Variants in UBAP2 observed in about 807,000 individuals in gnomAD.
The protein encoded by UBAP2 is ubiquitin associated protein 2, also known as ubiquitin-associated protein 2.
A neutral mutation model predicts 139.6 loss-of-function variants in UBAP2; 75 were observed. The ratio of observed to expected loss-of-function variants is 0.54; its 90% CI spans 0.45 to 0.65. The LOEUF is 0.65. Ranked by LOEUF, UBAP2 falls within the 30% of genes least tolerant of loss-of-function variation. The pLI, the probability that UBAP2 is intolerant of heterozygous loss-of-function variation, is 0.00. For missense variants in UBAP2, 1,368 were observed against 1,369.6 expected (o/e 1.00, Z 0.02); for synonymous variants, 526 against 526.2 (o/e 1.00, Z 0.01).
Position 33,922,369 on chromosome 9 carries a change from G to C in UBAP2, c.*135C>G. On this transcript the variant is annotated 3_prime_UTR_variant, in exon 29 of 29. Coordinates refer to ENST00000379238, the MANE Select transcript of UBAP2 (RefSeq NM_001370062.2). ...ATTACATACAGTAGCCAGTCTGGGA[G>C]GCAGACTCCCCACAGAGGCATGGCT... 1.2e-6 allele frequency: 1 copy of C among 824,544 alleles called. No homozygotes were observed. The highest frequency in any genetic ancestry group is 2.0e-6 in the Non-Finnish European group (1 of 493,434). 51.1% of individuals were successfully genotyped at this position (824,544 alleles called of 1,614,324 possible).
intron 13 of UBAP2, among the ~76,000 whole-genome samples, chr9:33,946,714 T>A (rs1048238139): frequency 3.3e-5 from 5 of 151,320 alleles, no homozygotes; most frequent in African/African-American, 4.9e-5. Flanking sequence ...GAATTTAATT[T>A]AAAAAAAAAC....
Position 33,944,589 on chromosome 9 carries a change from G to A in UBAP2, c.1321C>T (p.Arg441Ter), listed in dbSNP as rs369362609. 1.3e-5 allele frequency: 21 copies of A among 1,613,998 alleles called. No individual in the cohort carries two copies. The highest frequency in any genetic ancestry group is 1.7e-5 in the Non-Finnish European group (20 of 1,180,022). The change falls in exon 14 of 29, where the codon CGA (arginine) becomes TGA (stop). Residue 441 changes from arginine to a stop codon, truncating the protein, a stop_gained. Coordinates refer to ENST00000379238, the MANE Select transcript of UBAP2 (RefSeq NM_001370062.2). LOFTEE classifies it high-confidence loss of function. ...ACTGCCTGGCTCTGGTGCTGTTGTCGCTGGCTCAACTGGCTAAGAACTGGG... is the reference window on the plus strand; with the variant it reads ...ACTGCCTGGCTCTGGTGCTGTTGTCACTGGCTCAACTGGCTAAGAACTGGG... The part of the protein sequence containing the change: ...PSPVLSQLSQ[R>*]QQHQSQAVTV...
At chr9:33,939,573 C>T (rs1824907607) in intron 16 of UBAP2, among the ~76,000 whole-genome samples, 1 of 149,124 alleles carries the variant, frequency 6.7e-6, no homozygotes, top group Admixed American at 6.7e-5. Flanking sequence ...GCCTGGGTAA[C>T]ATGATGAAAC....
chr9:33,967,923 A>C (rs1274976063), intron 8 of UBAP2: 1 of 174,360 alleles, frequency 5.7e-6, no homozygotes, highest in Non-Finnish European at 1.2e-5. Flanking sequence ...TTTTACTCCA[A>C]GCTACACTTC....
chr9:33,954,571 A>G (rs1826394258), intron 11 of UBAP2, among the ~76,000 whole-genome samples: 1 of 152,140 alleles, frequency 6.6e-6, no homozygotes, highest in African/African-American at 2.4e-5. Flanking sequence ...CCTAACTGAC[A>G]TTCTCACCAT....
intron 6 of UBAP2, among the ~76,000 whole-genome samples, chr9:33,981,846 AGGG>A (rs1188940206): frequency 9.5e-6 from 1 of 104,732 alleles, no homozygotes; most frequent in African/African-American, 3.8e-5. Flanking sequence ...AAGGGGGGAA[AGGG>A]AGGGAGGGAA....
intron 2 of UBAP2, among the ~76,000 whole-genome samples, chr9:34,013,469 C>A (rs1265656829): frequency 6.6e-6 from 1 of 151,876 alleles, no homozygotes; most frequent in Non-Finnish European, 1.5e-5. Context: ...CCAGCCTGGA[C>A]AACAAGAGCA....
At chr9:34,010,492 T>A (rs938924747) in intron 2 of UBAP2, among the ~76,000 whole-genome samples, 13 of 151,014 alleles carry the variant, frequency 8.6e-5, no homozygotes, top group African/African-American at 3.2e-4. Flanking sequence ...ACATCCATTC[T>A]GAAGTGATTA....
At chr9:33,993,699 A>G (rs1821908972) in intron 4 of UBAP2, among the ~76,000 whole-genome samples, 1 of 152,082 alleles carries the variant, frequency 6.6e-6, no homozygotes, top group East Asian at 1.9e-4. Flanking sequence ...CAACTAAAAC[A>G]AAGACTTTAC....
rs534676756 is a variant in UBAP2 at position 33,971,525 on chromosome 9, T to C, written c.679+126A>G. The C allele has an allele frequency of 9.3e-6, 6 of 645,862 alleles. No homozygotes were observed. In the East Asian group the frequency reaches 1.3e-4, roughly 14 times the overall value. The allele number at this position is 645,862 out of a possible 1,614,324, so 40.0% of individuals were successfully genotyped here. On this transcript the variant is annotated intron_variant, in intron 8 of 28. Transcript: ENST00000379238. The stretch of plus-strand genomic sequence containing the variant: ...AACCAACTAAGAATAGTTTCAGAGG[T>C]AGGACAGTAGCCTGTTTTTCATTCT...
intron 7 of UBAP2, among the ~76,000 whole-genome samples, chr9:33,972,200 T>A (rs991528085): frequency 1.3e-5 from 2 of 152,216 alleles, no homozygotes; most frequent in East Asian, 3.8e-4. Flanking sequence ...GAAGAAAACA[T>A]TTTGTTCAGC....
At chr9:33,963,463 T>C (rs1217133362) in intron 9 of UBAP2, among the ~76,000 whole-genome samples, 1 of 152,224 alleles carries the variant, frequency 6.6e-6, no homozygotes, top group Non-Finnish European at 1.5e-5. Flanking sequence ...TCAATTTAAC[T>C]TGGTGTTAGT....
intron 1 of UBAP2, among the ~76,000 whole-genome samples, chr9:34,018,841 C>A (rs529138855): frequency 4.1e-4 from 62 of 150,526 alleles, no homozygotes; most frequent in African/African-American, 1.4e-3. Flanking sequence ...CCAGCCTGGG[C>A]AACAGAGCAA....
chr9:34,004,554 G>A (rs555707921), intron 2 of UBAP2, among the ~76,000 whole-genome samples: 11 of 147,278 alleles, frequency 7.5e-5, no homozygotes, highest in African/African-American at 1.5e-4. Context: ...AGGCCAAGGC[G>A]GGTGGATCAC....
intron 16 of UBAP2, among the ~76,000 whole-genome samples, chr9:33,940,247 T>C (rs1455708194): frequency 6.6e-6 from 1 of 152,092 alleles, no homozygotes; most frequent in Non-Finnish European, 1.5e-5. Flanking sequence ...TATCTATACT[T>C]TTCTCAGCTG....
At chr9:33,994,976 T>C (rs1465522570) in intron 4 of UBAP2, 3 of 152,146 alleles carry the variant, frequency 2.0e-5, no homozygotes, top group Admixed American at 2.0e-4. Context: ...CAAGGAAAGG[T>C]AGTTATTGAT....
At chr9:33,982,238 C>T (rs888941547) in intron 6 of UBAP2, among the ~76,000 whole-genome samples, 6 of 152,258 alleles carry the variant, frequency 3.9e-5, no homozygotes, top group East Asian at 1.9e-4. Context: ...CTAATAATTC[C>T]GCTTCAACCC....
intron 12 of UBAP2, among the ~76,000 whole-genome samples, chr9:33,952,546 G>A (rs968503143): frequency 2.6e-5 from 4 of 152,130 alleles, no homozygotes; most frequent in Admixed American, 6.6e-5. Context: ...AAATGTAAGC[G>A]CCTAGGCAGA....
rs398010658 is a variant in UBAP2 at position 34,013,152 on chromosome 9, C to CAAA, written c.99+3895_99+3897dup. ...TGGGCAACAGAGTGAGACTCTAGCT[C>CAAA]AAAAAAAAAAAAAAAAAAAAAAGAG... is the stretch of plus-strand genomic sequence containing the variant. On this transcript the variant is annotated intron_variant, in intron 2 of 28. Coordinates refer to ENST00000379238, the MANE Select transcript of UBAP2 (RefSeq NM_001370062.2). Among the ~76,000 whole-genome samples the CAAA allele has an allele frequency of 1.3e-3, 105 of 77,962 alleles. 1 individual carries two copies. The highest frequency in any genetic ancestry group is 3.4e-3 in the East Asian group (8 of 2,350). The allele number at this position is 77,962 out of a possible 152,430, so 51.1% of individuals were successfully genotyped here.
Sources: gnomAD v4.1 joint callset for allele counts (sites outside exome capture counted in the v4.1 genomes callset) on GRCh38, gnomAD v4.1.1 for gene constraint, MANE v1.5 for transcripts, NCBI Gene and HGNC (gene_info 2026-07-23, HGNC 2026-07-21) for gene names.